The following SRPK2 variants were observed in gnomAD, a reference collection of about 807,000 sequenced individuals.
SRPK2 encodes the protein SFRS protein kinase 2.
Under a neutral mutation model 90.8 loss-of-function variants are expected in SRPK2, and 21 were observed. The observed-to-expected ratio is 0.23, with a 90% CI of 0.16 to 0.33. The LOEUF is 0.33. SRPK2 is among the 10% of genes least tolerant of loss of function. The pLI is 1.00. For synonymous variants in SRPK2, 288 were observed against 311.1 expected (o/e 0.93, Z 0.78); for missense variants, 620 against 869.0 (o/e 0.71, Z 3.60).
intron 2 of SRPK2, among the ~76,000 whole-genome samples, chr7:105,293,604 G>C (rs1281978873): frequency 6.6e-6 from 1 of 151,726 alleles, no homozygotes; most frequent in Non-Finnish European, 1.5e-5. Flanking sequence ...ATTTTTAGTA[G>C]AGACGGGTTT....
intron 7 of SRPK2, among the ~76,000 whole-genome samples, chr7:105,157,027 C>T (rs1806595557): frequency 6.6e-6 from 1 of 152,060 alleles, no homozygotes; most frequent in African/African-American, 2.4e-5. Flanking sequence ...GTCATTAAAG[C>T]AAGGTTTTAC....
intron 2 of SRPK2, among the ~76,000 whole-genome samples, chr7:105,321,167 C>G (rs1424912545): frequency 6.6e-6 from 1 of 152,132 alleles, no homozygotes; most frequent in Non-Finnish European, 1.5e-5. Context: ...TCCAGATAAA[C>G]AGATATACAC....
chr7:105,231,796 T>C (rs1223003242), intron 2 of SRPK2, among the ~76,000 whole-genome samples: 2 of 152,260 alleles, frequency 1.3e-5, no homozygotes, highest in African/African-American at 4.8e-5. Flanking sequence ...TCTTTATAGA[T>C]GCTGGATACT....
chr7:105,195,909 A>G (rs1347772018), intron 3 of SRPK2, among the ~76,000 whole-genome samples: 3 of 152,244 alleles, frequency 2.0e-5, no homozygotes, highest in Non-Finnish European at 4.4e-5. Flanking sequence ...TCTGCCCTTA[A>G]GTAGCTGGCA....
intron 2 of SRPK2, among the ~76,000 whole-genome samples, chr7:105,273,349 G>A (rs547600842): frequency 2.6e-5 from 4 of 151,734 alleles, no homozygotes; most frequent in South Asian, 2.1e-4. Context: ...AAATCTTTTC[G>A]TATACAGTTT....
intron 2 of SRPK2, among the ~76,000 whole-genome samples, chr7:105,356,760 T>A (rs755734316): frequency 2.2e-4 from 33 of 152,286 alleles, no homozygotes; most frequent in Non-Finnish European, 4.4e-4. Flanking sequence ...GAAGGAACAG[T>A]TATTTCCAAA....
chr7:105,312,030 G>T (rs768819749), intron 2 of SRPK2, among the ~76,000 whole-genome samples: 1 of 152,018 alleles, frequency 6.6e-6, no homozygotes, highest in Non-Finnish European at 1.5e-5. Context: ...AAAAGCAAGT[G>T]AACTTTGACA....
chr7:105,265,915 G>A (rs1805005074), intron 2 of SRPK2, among the ~76,000 whole-genome samples: 1 of 151,492 alleles, frequency 6.6e-6, no homozygotes. Flanking sequence ...TTTTTAAATG[G>A]TTATGCTGAG....
chr7:105,309,812 A>T (rs1811512654), intron 2 of SRPK2, among the ~76,000 whole-genome samples: 1 of 152,186 alleles, frequency 6.6e-6, no homozygotes, highest in Non-Finnish European at 1.5e-5. Context: ...GATCTTACTT[A>T]TCCATTCTGC....
At position 105,117,794 on chromosome 7, in the gene SRPK2, C is replaced by A. The variant is rs1465420284; in HGVS notation, c.*44G>T. 6.2e-7 allele frequency: 1 copy of A among 1,600,012 alleles called. No homozygotes were observed. Among genetic ancestry groups the A allele is most frequent in the Non-Finnish European group, 8.5e-7 (1 of 1,169,946 alleles). ...AGAGTCACCGTTTAGGTCCAATGTACTGGGAACATTTGCTAGCTCAGAATG... is the reference window on the plus strand; with the variant it reads ...AGAGTCACCGTTTAGGTCCAATGTAATGGGAACATTTGCTAGCTCAGAATG... On this transcript the variant is annotated 3_prime_UTR_variant, in exon 16 of 16. Coordinates refer to ENST00000393651, the MANE Select transcript of SRPK2 (RefSeq NM_182692.3).
intron 2 of SRPK2, among the ~76,000 whole-genome samples, chr7:105,206,992 CAG>C (rs1322593721): frequency 1.3e-5 from 2 of 152,204 alleles, no homozygotes; most frequent in African/African-American, 2.4e-5. Flanking sequence ...CAGTTCATCA[CAG>C]AAAGTCTCAG....
intron 2 of SRPK2, among the ~76,000 whole-genome samples, chr7:105,349,618 T>G (rs926799455): frequency 3.9e-5 from 6 of 152,092 alleles, no homozygotes; most frequent in Non-Finnish European, 7.3e-5. Flanking sequence ...TCAGAGATTC[T>G]TCACAAATAT....
chr7:105,227,883 TATCA>T (rs1465240914), intron 2 of SRPK2, among the ~76,000 whole-genome samples: 9 of 106,288 alleles, frequency 8.5e-5, no homozygotes, highest in Middle Eastern at 6.6e-3. Flanking sequence ...CAAAACAGAG[TATCA>T]TTCAGCAAAA....
intron 2 of SRPK2, among the ~76,000 whole-genome samples, chr7:105,348,806 AT>A (rs1816791693): frequency 1.3e-5 from 2 of 152,190 alleles, no homozygotes; most frequent in African/African-American, 4.8e-5. Context: ...AAAGAAAGTT[AT>A]CATTCATGCC....
chr7:105,349,091 G>C (rs1816828543), intron 2 of SRPK2, among the ~76,000 whole-genome samples: 1 of 146,728 alleles, frequency 6.8e-6, no homozygotes, highest in Non-Finnish European at 1.5e-5. Flanking sequence ...GTTGCAGTGA[G>C]CCTAGTTTGC....
intron 11 of SRPK2, among the ~76,000 whole-genome samples, chr7:105,133,810 T>A (rs761895100): frequency 6.6e-6 from 1 of 152,192 alleles, no homozygotes; most frequent in Non-Finnish European, 1.5e-5. Flanking sequence ...ACTTGTCATG[T>A]ACATGAGCAG....
At chr7:105,318,632 T>C (rs1812572368) in intron 2 of SRPK2, among the ~76,000 whole-genome samples, 1 of 152,256 alleles carries the variant, frequency 6.6e-6, no homozygotes. Context: ...ACTCATTTTA[T>C]GTTCTTTCCG....
chr7:105,355,106 T>C (rs1369988712), intron 2 of SRPK2, among the ~76,000 whole-genome samples: 1 of 152,244 alleles, frequency 6.6e-6, no homozygotes. Context: ...TAATATTCCA[T>C]TGTAAGGATA....
chr7:105,359,042 A>G (rs1293599048), intron 2 of SRPK2, among the ~76,000 whole-genome samples: 1 of 151,810 alleles, frequency 6.6e-6, no homozygotes, highest in Non-Finnish European at 1.5e-5. Context: ...GCCATTCAAG[A>G]GGGATCCACC....
Sources: allele counts gnomAD v4.1 joint callset (sites outside exome capture counted in the v4.1 genomes callset), GRCh38; gene constraint gnomAD v4.1.1; transcripts MANE v1.5; gene names NCBI Gene and HGNC (gene_info 2026-07-23, HGNC 2026-07-21).